Variants in BCAR3 observed in about 807,000 individuals in gnomAD.
The protein encoded by BCAR3 is BCAR3 adaptor protein, NSP family member.
BCAR3 carries 37 observed loss-of-function variants against 80.1 expected under a neutral mutation model. That is an observed-to-expected ratio of 0.46 (90% confidence interval 0.36 to 0.61). The LOEUF is 0.61. Ranked by LOEUF, BCAR3 falls within the 20% of genes least tolerant of loss-of-function variation. The pLI, the probability that BCAR3 is intolerant of heterozygous loss-of-function variation, is 0.00. For synonymous variants in BCAR3, 389 were observed against 418.9 expected (o/e 0.93, Z 0.87); for missense variants, 978 against 1,068.2 (o/e 0.92, Z 1.18).
At chr1:93,651,930 T>C (rs1291224555) in intron 2 of BCAR3, among the ~76,000 whole-genome samples, 1 of 152,230 alleles carries the variant, frequency 6.6e-6, no homozygotes, top group Non-Finnish European at 1.5e-5. Context: ...CATGTCAACA[T>C]GTTAGCCCAT....
Position 93,823,695 on chromosome 1 carries a change from TTTG to T in BCAR3, c.-63+21869_-63+21871del, listed in dbSNP as rs375285074. ...TACATAGAAAAGTATCTCATTGTTT[TTTG>T]TTGTTGTTGTTATTATTTTTTGAGA... On this transcript the variant is annotated intron_variant, in intron 2 of 13. Coordinates refer to the BCAR3 transcript ENST00000370244. Among the ~76,000 whole-genome samples the T allele has an allele frequency of 9.0e-5, 12 of 133,640 alleles. 3 individuals are homozygous for T. In the South Asian group the frequency reaches 1.2e-3, roughly 14 times the overall value. The allele number at this position is 133,640 out of a possible 152,430, so 87.7% of individuals were successfully genotyped here. A position where few individuals can be genotyped will look rare whatever the true frequency, so the allele number is the denominator to read the frequency against.
intron 3 of BCAR3, among the ~76,000 whole-genome samples, chr1:93,700,654 T>G (rs1265328952): frequency 1.3e-5 from 2 of 151,902 alleles, no homozygotes; most frequent in African/African-American, 4.8e-5. Context: ...CAGCAGCACC[T>G]CACACATCTA....
chr1:93,760,209 A>G (rs1344310863), intron 2 of BCAR3, among the ~76,000 whole-genome samples: 2 of 152,206 alleles, frequency 1.3e-5, no homozygotes, highest in African/African-American at 4.8e-5. Context: ...CTAACCATTC[A>G]GAGAGGTCAT....
intron 2 of BCAR3, among the ~76,000 whole-genome samples, chr1:93,773,587 T>C (rs909457180): frequency 2.0e-5 from 3 of 152,168 alleles, no homozygotes; most frequent in African/African-American, 7.2e-5. Flanking sequence ...ACCCTGCTCA[T>C]GAAAGTCTTA....
In BCAR3 at chr1:93,748,375, G is replaced by A. The variant is rs12132625; in HGVS notation, c.-62-42233C>T. ...TCACGAAGGGTTGCATCCTAATTGC[G>A]ATATCCTTTCCTTCACCTAACTTGA... On this transcript the variant is annotated intron_variant, in intron 2 of 13. Coordinates refer to the BCAR3 transcript ENST00000370244. Among the ~76,000 whole-genome samples, 11 of 152,072 alleles carry A rather than the reference G, an allele frequency of 7.2e-5. No individual in the cohort carries two copies. In the South Asian group the frequency reaches 8.3e-4, roughly 11 times the overall value.
At chr1:93,725,238 CA>C (rs1650538581) in intron 2 of BCAR3, among the ~76,000 whole-genome samples, 1 of 152,146 alleles carries the variant, frequency 6.6e-6, no homozygotes, top group Non-Finnish European at 1.5e-5. Flanking sequence ...AGTAGGCACT[CA>C]AAAATATATA....
At chr1:93,623,551 A>C (rs572018224) in intron 3 of BCAR3, among the ~76,000 whole-genome samples, 19 of 152,312 alleles carry the variant, frequency 1.2e-4, no homozygotes, top group Admixed American at 2.6e-4. Flanking sequence ...AGAGCAGCCC[A>C]CAGCCAGGCC....
At chr1:93,575,126 G>GC (rs1161435730) in intron 8 of BCAR3, among the ~76,000 whole-genome samples, 1 of 152,046 alleles carries the variant, frequency 6.6e-6, no homozygotes, top group Non-Finnish European at 1.5e-5. Flanking sequence ...CATTTCAGGT[G>GC]CCCGAGAGTG....
chr1:93,749,886 C>CTTTTTTTTTTTTTTTTTTTTTTTT (rs754541949), intron 2 of BCAR3, among the ~76,000 whole-genome samples: 1 of 140,400 alleles, frequency 7.1e-6, no homozygotes. Context: ...ATGATCTTGA[C>CTTTTTTTTTTTTTTTTTTTTTTTT]TTATTTTTTT....
chr1:93,567,202 G>A lies in BCAR3; in HGVS notation c.2299+77C>T. On this transcript the variant is annotated intron_variant, in intron 11 of 11. Coordinates refer to ENST00000260502, the MANE Select transcript of BCAR3 (RefSeq NM_003567.4). The stretch of plus-strand genomic sequence containing the variant: ...CCTTTTTGGTCTTTTTCTAAGTGAA[G>A]TCAGCCATGCTCTTCCATTCCTTCA... 4 of 1,527,536 alleles carry A rather than the reference G, an allele frequency of 2.6e-6. No individual in the cohort carries two copies. The Admixed American group carries it at 7.2e-5, about 28-fold the overall frequency. The allele number at this position is 1,527,536 out of a possible 1,614,324, so 94.6% of individuals were successfully genotyped here. A position where few individuals can be genotyped will look rare whatever the true frequency, so the allele number is the denominator to read the frequency against.
In BCAR3 at chr1:93,582,428, A is replaced by G. The variant is rs1241570587; in HGVS notation, c.1559T>C (p.Phe520Ser). Residue 520 changes from phenylalanine to serine, a missense_variant, in exon 7 of 12, where the codon TTT becomes TCT. By Grantham distance (155) the Phe-to-Ser change is radical. Coordinates refer to ENST00000260502, the MANE Select transcript of BCAR3 (RefSeq NM_003567.4). The stretch of plus-strand genomic sequence containing the variant: ...CTCAGGGGGAAGGAACTTTGACTCA[A>G]ACTCGTTGGGCCTGAAGGAGGAGAC... ...ETVSSFRPNE[F>S]ESKFLPPENK... 6.2e-7 allele frequency: 1 copy of G among 1,614,118 alleles called. No homozygotes were observed. The highest frequency in any genetic ancestry group is 1.3e-5 in the African/African-American group (1 of 75,032).
intron 2 of BCAR3, among the ~76,000 whole-genome samples, chr1:93,771,000 T>C (rs1652341626): frequency 6.6e-6 from 1 of 152,164 alleles, no homozygotes; most frequent in Admixed American, 6.5e-5. Flanking sequence ...ACTATACCTT[T>C]CACAAGGGAA....
At chr1:93,732,309 A>C (rs1422099275) in intron 2 of BCAR3, among the ~76,000 whole-genome samples, 1 of 152,186 alleles carries the variant, frequency 6.6e-6, no homozygotes, top group East Asian at 1.9e-4. Context: ...ACAGAGAATG[A>C]AAGAGGTTTG....
At chr1:93,733,928 CTG>C (rs1650890763) in intron 2 of BCAR3, among the ~76,000 whole-genome samples, 1 of 152,220 alleles carries the variant, frequency 6.6e-6, no homozygotes, top group African/African-American at 2.4e-5. Flanking sequence ...AATCCAATCT[CTG>C]AGGGGTAGAA....
At chr1:93,624,076 A>G (rs1675388824) in intron 3 of BCAR3, among the ~76,000 whole-genome samples, 1 of 152,138 alleles carries the variant, frequency 6.6e-6, no homozygotes, top group African/African-American at 2.4e-5. Context: ...TGTTGTTGGA[A>G]TGTACTGTGC....
chr1:93,575,087 A>C (rs1673399069), intron 8 of BCAR3, among the ~76,000 whole-genome samples: 3 of 151,958 alleles, frequency 2.0e-5, no homozygotes, highest in Non-Finnish European at 1.5e-5. Flanking sequence ...TTCTAATTAT[A>C]AAAAGTCATC....
At chr1:93,706,268 T>A (rs1649824739) in intron 2 of BCAR3, 1 of 152,146 alleles carries the variant, frequency 6.6e-6, no homozygotes, top group East Asian at 1.9e-4. Flanking sequence ...CCTGGTTGGA[T>A]TCAAGTCTAC....
chr1:93,753,410 G>A (rs1394431280), intron 2 of BCAR3: 2 of 152,216 alleles, frequency 1.3e-5, no homozygotes, highest in Admixed American at 6.5e-5. Flanking sequence ...CTATCTCTTG[G>A]TAGTGGAGAC....
chr1:93,746,160 G>A (rs1173655033), intron 2 of BCAR3, among the ~76,000 whole-genome samples: 1 of 152,210 alleles, frequency 6.6e-6, no homozygotes. Flanking sequence ...TGGGTAAGAA[G>A]ATGTCAAGAG....
Sources: gnomAD v4.1 joint callset for allele counts (sites outside exome capture counted in the v4.1 genomes callset) on GRCh38, gnomAD v4.1.1 for gene constraint, MANE v1.5 for transcripts, NCBI Gene and HGNC (gene_info 2026-07-23, HGNC 2026-07-21) for gene names.